Variants in AFF1 observed in about 807,000 individuals in gnomAD.
The protein encoded by AFF1 is AF4/FMR2 family member 1.
AFF1 carries 48 observed loss-of-function variants against 121.7 expected under a neutral mutation model. That is an observed-to-expected ratio of 0.39 (90% CI 0.31 to 0.50). The LOEUF is 0.50. Ranked by LOEUF, AFF1 falls within the 20% of genes least tolerant of loss-of-function variation. The pLI is 0.76. For missense variants in AFF1, 1,523 were observed against 1,511.7 expected (o/e 1.01, Z -0.12); for synonymous variants, 613 against 563.0 (o/e 1.09, Z -1.26).
intron 2 of AFF1, among the ~76,000 whole-genome samples, chr4:87,039,043 GT>G (rs1158293576): frequency 1.3e-5 from 2 of 152,202 alleles, no homozygotes; most frequent in African/African-American, 4.8e-5. Flanking sequence ...GACTAACCTA[GT>G]TTAGCAGCAG....
At chr4:87,003,491 C>CG (rs2149523579) in intron 2 of AFF1, among the ~76,000 whole-genome samples, 1 of 152,206 alleles carries the variant, frequency 6.6e-6, no homozygotes, top group South Asian at 2.1e-4. Context: ...TGCCCTCAAG[C>CG]GATCTTTTTA....
intron 2 of AFF1, among the ~76,000 whole-genome samples, chr4:86,990,079 G>C (rs754276508): frequency 6.6e-6 from 1 of 152,080 alleles, no homozygotes; most frequent in Non-Finnish European, 1.5e-5. Context: ...CAATGTAGAT[G>C]ACAGGTCGAT....
chr4:86,980,954 C>T lies in AFF1; in HGVS notation c.38+32383C>T, dbSNP rs568225936. ...CTTTGCGAGGCTTGAGGCACCCCCCCCCTCCACCAAAAAAAAGGAAAGTAA... is the reference window on the plus strand; with the variant it reads ...CTTTGCGAGGCTTGAGGCACCCCCCTCCTCCACCAAAAAAAAGGAAAGTAA... On this transcript the variant is annotated intron_variant, in intron 2 of 20. Coordinates refer to ENST00000395146, the MANE Select transcript of AFF1 (RefSeq NM_001166693.3). 1.5e-4 allele frequency among the ~76,000 whole-genome samples: 20 copies of T among 137,050 alleles called. 2 individuals carry two copies. Among genetic ancestry groups the T allele is most frequent in the East Asian group, 6.8e-4 (3 of 4,404 alleles). 89.9% of individuals were successfully genotyped at this position (137,050 alleles called of 152,430 possible). A position where few individuals can be genotyped will look rare whatever the true frequency, so the allele number is the denominator to read the frequency against.
intron 2 of AFF1, among the ~76,000 whole-genome samples, chr4:87,008,601 C>T (rs1489530694): frequency 6.9e-6 from 1 of 144,508 alleles, no homozygotes; most frequent in Non-Finnish European, 1.5e-5. Flanking sequence ...TTTTTGTTAA[C>T]CTCTAGCTGA....
intron 2 of AFF1, among the ~76,000 whole-genome samples, chr4:87,024,411 G>A (rs1022982845): frequency 3.3e-5 from 5 of 152,122 alleles, no homozygotes; most frequent in African/African-American, 7.2e-5. Context: ...GTTTCCCAGC[G>A]TTAGCCTCTG....
At chr4:87,016,450 CTG>C (rs947054296) in intron 2 of AFF1, among the ~76,000 whole-genome samples, 6 of 151,266 alleles carry the variant, frequency 4.0e-5, no homozygotes, top group African/African-American at 1.2e-4. Flanking sequence ...ACTCGGGAGA[CTG>C]AGGCAGGAGA....
chr4:87,074,558 G>A (rs1722464025), intron 4 of AFF1, among the ~76,000 whole-genome samples: 1 of 152,250 alleles, frequency 6.6e-6, no homozygotes, highest in East Asian at 1.9e-4. Flanking sequence ...TTTTACATTT[G>A]TTTTTCATTC....
intron 2 of AFF1, among the ~76,000 whole-genome samples, chr4:86,983,766 A>G (rs944333280): frequency 6.6e-6 from 1 of 151,072 alleles, no homozygotes; most frequent in African/African-American, 2.4e-5. Flanking sequence ...CGCCAGGCGC[A>G]GTGGCTCACG....
rs1248277116 is a variant in AFF1, at chr4:86,995,908, G to A, written c.38+47337G>A. ...CCGCCCATCGTCTGAGATGTGGGGA[G>A]CACCTCTGCCCTGCCGCCCCGTCCG... is the stretch of plus-strand genomic sequence containing the variant. On this transcript the variant is annotated intron_variant, in intron 2 of 20. Coordinates refer to ENST00000395146, the MANE Select transcript of AFF1 (RefSeq NM_001166693.3). 2.0e-5 allele frequency among the ~76,000 whole-genome samples: 3 copies of A among 151,022 alleles called. No homozygotes were observed. In the East Asian group the frequency reaches 5.9e-4, roughly 30 times the overall value.
intron 10 of AFF1, among the ~76,000 whole-genome samples, chr4:87,107,738 G>A (rs1029116357): frequency 3.3e-5 from 5 of 152,178 alleles, no homozygotes; most frequent in Non-Finnish European, 7.3e-5. Flanking sequence ...TGTCTCTATT[G>A]CAGCTGTTCA....
In AFF1 at chr4:87,025,692, A is replaced by G. The variant is rs573542175; in HGVS notation, c.39-20474A>G. 2.0e-5 allele frequency among the ~76,000 whole-genome samples: 3 copies of G among 152,204 alleles called. No individual in the cohort carries two copies. The East Asian group carries it at 5.8e-4, about 29-fold the overall frequency. On this transcript the variant is annotated intron_variant, in intron 2 of 20. Coordinates refer to ENST00000395146, the MANE Select transcript of AFF1 (RefSeq NM_001166693.3). Reference sequence around the variant, plus strand: ...CCATCATCTCAGATAGAGGCTAGGGATGCTGCTAACGTCCTGCAATACACA... The same window carrying G: ...CCATCATCTCAGATAGAGGCTAGGGGTGCTGCTAACGTCCTGCAATACACA...
rs146182456 is a variant in AFF1, at chr4:87,114,510, G to A, written c.1677G>A (p.Thr559=). The A allele has an allele frequency of 4.7e-4, 758 of 1,613,498 alleles. No homozygotes were observed. The highest frequency in any genetic ancestry group is 2.8e-3 in the African/African-American group (213 of 74,992). ...GTAAGGGCAGCAGCGACAGTGCCAC[G>A]AGTCAGGAGCATTCTGAATCCAAAG... ...PESKGSSDSA[T]SQEHSESKDP... The change falls in exon 12 of 21, where the codon ACG becomes ACA. Residue 559 remains threonine (T), a synonymous_variant. Transcript: ENST00000395146.
chr4:87,043,959 C>T (rs755265657), intron 2 of AFF1, among the ~76,000 whole-genome samples: 1 of 152,124 alleles, frequency 6.6e-6, no homozygotes, highest in Non-Finnish European at 1.5e-5. Flanking sequence ...GCTGGCACTA[C>T]AGGCGCCTGC....
chr4:87,063,020 T>G (rs1720937704), intron 4 of AFF1, among the ~76,000 whole-genome samples: 1 of 152,156 alleles, frequency 6.6e-6, no homozygotes, highest in African/African-American at 2.4e-5. Flanking sequence ...GAAAACTACT[T>G]AACCTGTTCA....
chr4:87,115,194 G>A lies in AFF1; in HGVS notation c.2361G>A (p.Gly787=). The A allele has an allele frequency of 6.2e-7, 1 of 1,614,198 alleles. No homozygotes were observed. Among genetic ancestry groups the A allele is most frequent in the Non-Finnish European group, 8.5e-7 (1 of 1,180,044 alleles). ...GGATACCCCAGCCTCCCGGGAAGGG[G>A]AGCCGCCAGAGGAAAGCAGAAGATA... ...LSRIPQPPGK[G]SRQRKAEDKQ... The change falls in exon 12 of 21, where the codon GGG becomes GGA. Residue 787 remains glycine (G), a synonymous_variant. Transcript: ENST00000395146.
intron 4 of AFF1, among the ~76,000 whole-genome samples, chr4:87,076,335 T>C (rs1352441206): frequency 6.6e-6 from 1 of 152,228 alleles, no homozygotes; most frequent in Non-Finnish European, 1.5e-5. Flanking sequence ...AGGGAGATTC[T>C]GCAGTTAGCC....
At position 87,140,752 on chromosome 4, in the gene AFF1, A is replaced by G. The variant is rs890409026; in HGVS notation, c.*5051A>G. The stretch of plus-strand genomic sequence containing the variant: ...AAGGGGAACTCCATGTATTTTACCT[A>G]CTTCAGCAATGGAACTGCAACTTGG... On this transcript the variant is annotated 3_prime_UTR_variant, in exon 21 of 21. Coordinates refer to ENST00000395146, the MANE Select transcript of AFF1 (RefSeq NM_001166693.3). 2 of 190,376 alleles carry G rather than the reference A, an allele frequency of 1.1e-5. No individual in the cohort carries two copies. The highest frequency in any genetic ancestry group is 2.3e-5 in the African/African-American group (1 of 42,910). The allele number at this position is 190,376 out of a possible 1,614,324, so 11.8% of individuals were successfully genotyped here.
intron 4 of AFF1, among the ~76,000 whole-genome samples, chr4:87,069,555 T>TTCCCTCTCCTCTCTCTCCTC (rs1721780641): frequency 4.2e-5 from 5 of 117,818 alleles, no homozygotes; most frequent in Admixed American, 3.0e-4. Flanking sequence ...TCTCTCCCCT[T>TTCCCTCTCCTCTCTCTCCTC]TCCCTCTCCT....
intron 2 of AFF1, among the ~76,000 whole-genome samples, chr4:87,012,038 T>C (rs1412704343): frequency 6.6e-6 from 1 of 152,228 alleles, no homozygotes; most frequent in Non-Finnish European, 1.5e-5. Flanking sequence ...TAAAATATTA[T>C]GGATGAGAGA....
Sources: gnomAD v4.1 joint callset for allele counts (sites outside exome capture counted in the v4.1 genomes callset) on GRCh38, gnomAD v4.1.1 for gene constraint, MANE v1.5 for transcripts, NCBI Gene and HGNC (gene_info 2026-07-23, HGNC 2026-07-21) for gene names.